The following HEATR5B variants were observed in gnomAD, a reference collection of about 807,000 sequenced individuals.
HEATR5B encodes the protein HEAT repeat-containing protein 5B.
HEATR5B carries 156 observed loss-of-function variants against 224.1 expected under a neutral mutation model. The ratio of observed to expected loss-of-function variants is 0.70; its 90% confidence interval spans 0.61 to 0.80. HEATR5B has a LOEUF of 0.80. Among genes scored for constraint, HEATR5B ranks in the 30% least tolerant of loss-of-function variants. The pLI, the probability that HEATR5B is intolerant of heterozygous loss-of-function variation, is 0.00. For synonymous variants in HEATR5B, 1,027 were observed against 893.0 expected (o/e 1.15, Z -2.68); for missense variants, 2,323 against 2,535.5 (o/e 0.92, Z 1.80).
chr2:37,012,917 T>C (rs1050325199), intron 27 of HEATR5B, among the ~76,000 whole-genome samples: 1 of 152,228 alleles, frequency 6.6e-6, no homozygotes, highest in African/African-American at 2.4e-5. Flanking sequence ...CTTTGTAACT[T>C]TGTATTTCTC....
rs964531479 is a variant in HEATR5B at position 37,067,749 on chromosome 2, A to C, written c.1177+932T>G. On this transcript the variant is annotated intron_variant, in intron 8 of 35. Coordinates refer to ENST00000233099, the MANE Select transcript of HEATR5B (RefSeq NM_019024.3). Reference sequence around the variant, plus strand: ...ATCGCACCACTGCACTCCAGCCCGGACAGCAGAGCTAGACTCTGTCTCAAA... The same window carrying C: ...ATCGCACCACTGCACTCCAGCCCGGCCAGCAGAGCTAGACTCTGTCTCAAA... 3.9e-5 allele frequency among the ~76,000 whole-genome samples: 6 copies of C among 152,208 alleles called. No homozygotes were observed. In the South Asian group the frequency reaches 1.2e-3, roughly 32 times the overall value.
chr2:37,040,312 T>G lies in HEATR5B; in HGVS notation c.3046+17A>C. The G allele has an allele frequency of 6.3e-7, 1 of 1,593,064 alleles. No individual in the cohort carries two copies. The stretch of plus-strand genomic sequence containing the variant: ...GATTATCTAACTAGGTTCCTTAATT[T>G]CAGATGATTTACTTACCTTGTAGTT... On this transcript the variant is annotated intron_variant, in intron 20 of 35. Coordinates refer to ENST00000233099, the MANE Select transcript of HEATR5B (RefSeq NM_019024.3).
At chr2:36,996,384 G>A (rs2148354081) in intron 33 of HEATR5B, among the ~76,000 whole-genome samples, 1 of 151,082 alleles carries the variant, frequency 6.6e-6, no homozygotes, top group East Asian at 2.0e-4. Flanking sequence ...TATGCTTGGT[G>A]GCCATTTCTA....
chr2:37,069,106 G>A (rs987466487), intron 7 of HEATR5B, among the ~76,000 whole-genome samples, 176 bp from the exon 8 acceptor site: 2 of 152,196 alleles, frequency 1.3e-5, no homozygotes, highest in African/African-American at 2.4e-5. Flanking sequence ...CGAATTATTA[G>A]TGAAGTATCT....
chr2:37,065,105 T>C (rs758334991), intron 9 of HEATR5B, 115 bp from the exon 10 acceptor site: 45 of 1,037,746 alleles, frequency 4.3e-5, no homozygotes, highest in East Asian at 5.2e-5. Flanking sequence ...TTCACACATA[T>C]AGATCCACAA....
intron 15 of HEATR5B, 63 bp downstream of exon 15, chr2:37,057,254 A>C: frequency 8.0e-7 from 1 of 1,252,436 alleles, no homozygotes; most frequent in Admixed American, 2.6e-5. Context: ...TTTAAGTGAC[A>C]ATGTGTAATA....
intron 17 of HEATR5B, among the ~76,000 whole-genome samples, chr2:37,050,324 A>C (rs1670457768): frequency 1.3e-5 from 2 of 152,212 alleles, no homozygotes; most frequent in Non-Finnish European, 2.9e-5. Context: ...ATTCACGGTA[A>C]TTACTTTCCT....
chr2:36,985,458 G>GTTTT (rs376871419), intron 35 of HEATR5B, among the ~76,000 whole-genome samples: 5 of 126,714 alleles, frequency 3.9e-5, no homozygotes, highest in African/African-American at 5.9e-5. Context: ...CTTTTTTTTG[G>GTTTT]TTTTTTTTTT....
At position 37,042,348 on chromosome 2, in the gene HEATR5B, C is replaced by T. The variant is rs745556767; in HGVS notation, c.2697-1056G>A. ...ACATTTTGGGGTACCAAAATAAACT[C>T]GTACTAACTTGTTATAATATATCTG... On this transcript the variant is annotated intron_variant, in intron 18 of 35. Coordinates refer to ENST00000233099, the MANE Select transcript of HEATR5B (RefSeq NM_019024.3). Among the ~76,000 whole-genome samples the T allele has an allele frequency of 5.4e-4, 82 of 152,094 alleles. 1 individual carries two copies. The highest frequency in any genetic ancestry group is 2.0e-4 in the Admixed American group (3 of 15,260).
At chr2:37,076,754 G>A (rs1489384219) in intron 4 of HEATR5B, among the ~76,000 whole-genome samples, 157 bp downstream of exon 4, 2 of 142,900 alleles carry the variant, frequency 1.4e-5, no homozygotes, top group African/African-American at 5.1e-5. Flanking sequence ...CCTTCCCCCT[G>A]ATATACATTA....
intron 35 of HEATR5B, among the ~76,000 whole-genome samples, chr2:36,983,669 A>G (rs1665734590): frequency 6.6e-6 from 1 of 151,898 alleles, no homozygotes; most frequent in Non-Finnish European, 1.5e-5. Flanking sequence ...CAGAGGTCTC[A>G]GCGAGCAGAG....
chr2:37,003,621 G>T lies in HEATR5B; in HGVS notation c.4971C>A (p.Val1657=), dbSNP rs917908510. The change falls in exon 31 of 36, where the codon GTC becomes GTA. Residue 1657 remains valine, a synonymous_variant. Transcript: ENST00000233099. ...GTACAACTCCAGTAACCAACAGCTG[G>T]ACAGATGATGGATTCCAGGTCAATA... ...RLLLTWNPSS[V]QLLVTGVVQQ... is the part of the protein sequence containing the mutation. The T allele has an allele frequency of 3.1e-6, 5 of 1,611,054 alleles. No individual in the cohort carries two copies. The African/African-American group carries it at 5.3e-5, about 17-fold the overall frequency.
rs376864585 is a variant in HEATR5B, at chr2:37,000,830, T to C, written c.5318-17A>G. 3.4e-6 allele frequency: 5 copies of C among 1,488,026 alleles called. No homozygotes were observed. In the African/African-American group the frequency reaches 5.5e-5, roughly 16 times the overall value. The allele number at this position is 1,488,026 out of a possible 1,614,324, so 92.2% of individuals were successfully genotyped here. On this transcript the variant is annotated splice_polypyrimidine_tract_variant and intron_variant, in intron 32 of 35. Coordinates refer to ENST00000233099, the MANE Select transcript of HEATR5B (RefSeq NM_019024.3). ...TCATACATCCTGAAAGAAAAACAAA[T>C]CAGATCACCTCATAACTATTCAGTT...
chr2:37,061,539 A>G (rs1671281758), intron 11 of HEATR5B, among the ~76,000 whole-genome samples: 1 of 152,234 alleles, frequency 6.6e-6, no homozygotes, highest in Admixed American at 6.5e-5. Context: ...ACTACTTAAG[A>G]GTGAAACACA....
At chr2:37,003,724 A>G (rs1339503603) in intron 30 of HEATR5B, 38 bp from the exon 31 acceptor site, 8 of 1,399,616 alleles carry the variant, frequency 5.7e-6, no homozygotes, top group Non-Finnish European at 7.7e-6. Context: ...AAGTAATTTC[A>G]ATCTCAAAGA....
In HEATR5B at chr2:37,049,798, T is replaced by G. The variant is rs1374789843; in HGVS notation, c.2551A>C (p.Lys851Gln). The part of the protein sequence containing the change: ...KSTLGPEEVR[K>Q]SALTLVMGPL... Reference sequence around the variant, plus strand: ...CCCATAACCAGTGTCAGGGCAGATTTACGAACTTCCTCAGGTCCTAAAGTA... The same window carrying G: ...CCCATAACCAGTGTCAGGGCAGATTGACGAACTTCCTCAGGTCCTAAAGTA... Residue 851 changes from lysine to glutamine, a missense_variant, in exon 18 of 36, where the codon AAA becomes CAA. Coordinates refer to ENST00000233099, the MANE Select transcript of HEATR5B (RefSeq NM_019024.3). 7 of 1,608,986 alleles carry G rather than the reference T, an allele frequency of 4.4e-6. No individual in the cohort carries two copies. In the East Asian group the frequency reaches 1.6e-4, roughly 37 times the overall value.
At chr2:37,068,586 G>T in intron 8 of HEATR5B, 95 bp downstream of exon 8, 1 of 1,300,120 alleles carries the variant, frequency 7.7e-7, no homozygotes, top group Non-Finnish European at 1.1e-6. Context: ...CACACAGAAA[G>T]ATAAACTAAT....
chr2:37,058,624 T>A (rs1358798648), intron 13 of HEATR5B, 64 bp from the exon 14 acceptor site: 46 of 1,124,644 alleles, frequency 4.1e-5, no homozygotes, highest in Non-Finnish European at 6.1e-5. Flanking sequence ...TAAATTTTTT[T>A]AGCAATGTAT....
intron 35 of HEATR5B, among the ~76,000 whole-genome samples, chr2:36,984,210 A>AT (rs1301990022): frequency 1.7e-5 from 2 of 119,444 alleles, no homozygotes; most frequent in African/African-American, 6.7e-5. Context: ...CAAAAAAAAA[A>AT]AAAAAATATA....
Sources: allele counts gnomAD v4.1 joint callset (sites outside exome capture counted in the v4.1 genomes callset), GRCh38; gene constraint gnomAD v4.1.1; transcripts MANE v1.5; gene names NCBI Gene and HGNC (gene_info 2026-07-23, HGNC 2026-07-21).